MEGF10: variants seen among roughly 807,000 people sequenced by gnomAD.
MEGF10 encodes the protein multiple EGF like domains 10.
In MEGF10, 86 loss-of-function variants were observed where a neutral mutation model predicts 147.5. That is an observed-to-expected ratio of 0.58 (90% CI 0.49 to 0.70). MEGF10 has a LOEUF of 0.70. Ranked by LOEUF, MEGF10 falls within the 30% of genes least tolerant of loss-of-function variation. The probability of loss-of-function intolerance (pLI) is 0.00; values close to 1 mark genes in which losing one functional copy is unlikely to be tolerated. For synonymous variants in MEGF10, 478 were observed against 525.5 expected, an observed-to-expected ratio of 0.91 and a Z score of 1.24; for missense variants, 1,329 against 1,487.3, an observed-to-expected ratio of 0.89 and a Z score of 1.75.
the MEGF10 span, among the ~76,000 whole-genome samples, chr5:127,253,775 TA>T: frequency 5.3e-5 from 8 of 152,088 alleles, no homozygotes; most frequent in Admixed American, 4.6e-4. Flanking sequence ...AAGAAAATGA[TA>T]AACTTTTTTT....
intron 15 of MEGF10, 87 bp from the exon 16 acceptor site, chr5:127,435,273 AC>A: frequency 4.7e-6 from 7 of 1,503,228 alleles, no homozygotes; most frequent in Non-Finnish European, 6.3e-6. Flanking sequence ...TGGGCCTGTG[AC>A]CTTTAAAGTT....
rs538791731 is a variant in MEGF10 at position 127,422,756 on chromosome 5, C to T, written c.1677C>T (p.Cys559=). The part of the protein sequence containing the change: ...GCHPTTGHCR[C]LPGWSGVHCD... ...ACCCTACCACGGGCCATTGCCGCTG[C>T]CTCCCCGGATGGTCAGGTGAGAGCC... Residue 559 remains cysteine, a synonymous_variant, in exon 13 of 25, where the codon TGC becomes TGT. Transcript: ENST00000503335. 3.1e-6 allele frequency: 5 copies of T among 1,613,942 alleles called. No individual in the cohort carries two copies. The South Asian group carries it at 5.5e-5, about 18-fold the overall frequency.
the MEGF10 span, among the ~76,000 whole-genome samples, chr5:127,247,415 A>ATTT: frequency 1.2e-5 from 1 of 81,806 alleles, no homozygotes; most frequent in Non-Finnish European, 2.4e-5. Flanking sequence ...AAGAAGAAGA[A>ATTT]GAAGAAGAAG....
intron 4 of MEGF10, among the ~76,000 whole-genome samples, chr5:127,348,069 G>A (rs1425678903): frequency 6.6e-6 from 1 of 152,018 alleles, no homozygotes; most frequent in Non-Finnish European, 1.5e-5. Context: ...GAATTCTTCT[G>A]CTGTAGCTCT....
chr5:127,386,030 C>T (rs1321002134), intron 5 of MEGF10, among the ~76,000 whole-genome samples: 1 of 152,172 alleles, frequency 6.6e-6, no homozygotes, highest in Non-Finnish European at 1.5e-5. Context: ...ATCGATCAAG[C>T]CCAGGAGTTA....
At chr5:127,417,208 A>G (rs958693182) in intron 9 of MEGF10, among the ~76,000 whole-genome samples, 1 of 152,192 alleles carries the variant, frequency 6.6e-6, no homozygotes, top group African/African-American at 2.4e-5. Context: ...GCTACCAGGT[A>G]TAGGGAACTG....
In MEGF10 at chr5:127,355,625, C is replaced by T. The variant is rs73344971; in HGVS notation, c.320-14285C>T. On this transcript the variant is annotated intron_variant, in intron 4 of 24. Coordinates refer to ENST00000503335, the MANE Select transcript of MEGF10 (RefSeq NM_001256545.2). Reference sequence around the variant, plus strand: ...AATTCCAATTTTCCCACACATCTATCGGAACCTAAACTTCTGCTTTCCAGT... The same window carrying T: ...AATTCCAATTTTCCCACACATCTATTGGAACCTAAACTTCTGCTTTCCAGT... 1.1e-3 allele frequency among the ~76,000 whole-genome samples: 160 copies of T among 152,266 alleles called. 2 individuals are homozygous for T. The highest frequency in any genetic ancestry group is 3.7e-3 in the African/African-American group (153 of 41,564).
intron 8 of MEGF10, chr5:127,409,645 T>C (rs1764478870): frequency 6.6e-6 from 1 of 152,344 alleles, no homozygotes; most frequent in Admixed American, 6.5e-5. Flanking sequence ...ATGAAGTGAA[T>C]TTTTGAGGGC....
At chr5:127,263,461 A>G in the MEGF10 span, among the ~76,000 whole-genome samples, 1 of 152,272 alleles carries the variant, frequency 6.6e-6, no homozygotes, top group East Asian at 1.9e-4. Context: ...ACCATAGCAT[A>G]CTAATATAGA....
chr5:127,259,705 T>G, the MEGF10 span, among the ~76,000 whole-genome samples: 3 of 152,138 alleles, frequency 2.0e-5, no homozygotes, highest in African/African-American at 7.2e-5. Flanking sequence ...TGTGCCACTC[T>G]GGAACCATGG....
chr5:127,269,372 A>T, the MEGF10 span, among the ~76,000 whole-genome samples: 20 of 152,302 alleles, frequency 1.3e-4, no homozygotes, highest in African/African-American at 3.6e-4. Context: ...AACTAGAATA[A>T]CCAGTGTAGA....
the MEGF10 span, among the ~76,000 whole-genome samples, chr5:127,253,031 TACAA>T: frequency 6.6e-6 from 1 of 151,950 alleles, no homozygotes; most frequent in South Asian, 2.1e-4. Flanking sequence ...TAAACACGGA[TACAA>T]ACATTTAAAA....
At chr5:127,407,917 A>G (rs755680725) in intron 8 of MEGF10, among the ~76,000 whole-genome samples, 2 of 152,236 alleles carry the variant, frequency 1.3e-5, no homozygotes, top group Non-Finnish European at 2.9e-5. Flanking sequence ...TATTATTAAC[A>G]GGATTGTCCT....
the MEGF10 span, among the ~76,000 whole-genome samples, chr5:127,241,903 C>T: frequency 6.6e-6 from 1 of 152,064 alleles, no homozygotes; most frequent in East Asian, 1.9e-4. Flanking sequence ...TGAGCACCCT[C>T]TGGAGACTCC....
the MEGF10 span, among the ~76,000 whole-genome samples, chr5:127,279,275 GAGTT>G: frequency 6.6e-6 from 1 of 152,166 alleles, no homozygotes; most frequent in East Asian, 1.9e-4. Context: ...GTGAACAAGA[GAGTT>G]AGAAAAATAA....
At chr5:127,272,893 C>G in the MEGF10 span, among the ~76,000 whole-genome samples, 15 of 152,170 alleles carry the variant, frequency 9.9e-5, no homozygotes, top group African/African-American at 3.6e-4. Context: ...GTTTGACTTC[C>G]TCTCTTCTTA....
chr5:127,247,485 G>C, the MEGF10 span, among the ~76,000 whole-genome samples: 1 of 140,440 alleles, frequency 7.1e-6, no homozygotes, highest in Admixed American at 7.1e-5. Flanking sequence ...AGAAGAAGAA[G>C]AAAAATTTAA....
intron 13 of MEGF10, among the ~76,000 whole-genome samples, chr5:127,426,582 C>G (rs1765216744): frequency 6.9e-6 from 1 of 144,292 alleles, no homozygotes; most frequent in South Asian, 2.4e-4. Context: ...CACACACACT[C>G]TCTCTCTCTC....
At position 127,370,814 on chromosome 5, in the gene MEGF10, G is replaced by A. The variant is rs184257166; in HGVS notation, c.412+812G>A. Among the ~76,000 whole-genome samples, 60 of 151,748 alleles carry A rather than the reference G, an allele frequency of 4.0e-4. 1 individual carries two copies. Among genetic ancestry groups the A allele is most frequent in the Admixed American group, 2.2e-3 (34 of 15,224 alleles). ...CCTTTTCCTTTATACTTCTTTTTTCGCCTTGAGAAACGTGAGAAGGAATTA... is the reference window on the plus strand; with the variant it reads ...CCTTTTCCTTTATACTTCTTTTTTCACCTTGAGAAACGTGAGAAGGAATTA... On this transcript the variant is annotated intron_variant, in intron 5 of 24. Transcript: ENST00000503335.
Sources: gnomAD v4.1 joint callset for allele counts (sites outside exome capture counted in the v4.1 genomes callset) on GRCh38, gnomAD v4.1.1 for gene constraint, MANE v1.5 for transcripts, NCBI Gene and HGNC (gene_info 2026-07-23, HGNC 2026-07-21) for gene names.